Variants in SHPRH observed in about 807,000 individuals in gnomAD.
SHPRH encodes the protein E3 ubiquitin-protein ligase SHPRH.
In SHPRH, 106 loss-of-function variants were observed where a neutral mutation model predicts 202.5. The ratio of observed to expected loss-of-function variants is 0.52; its 90% CI spans 0.45 to 0.62. The LOEUF (loss-of-function observed/expected upper bound fraction) is 0.62. Ranked by LOEUF, SHPRH falls within the 20% of genes least tolerant of loss-of-function variation. SHPRH has a pLI of 0.00. For synonymous variants in SHPRH, 729 were observed against 686.0 expected (o/e 1.06, Z -0.98); for missense variants, 1,710 against 2,020.0 (o/e 0.85, Z 2.94).
At chr6:145,916,102 C>G (rs1474619058) in intron 23 of SHPRH, among the ~76,000 whole-genome samples, 1 of 151,950 alleles carries the variant, frequency 6.6e-6, no homozygotes, top group Non-Finnish European at 1.5e-5. Context: ...TTCATGAATC[C>G]CATCTTTTTC....
At position 145,910,820 on chromosome 6, in the gene SHPRH, TTC is replaced by T. The variant is rs1783425955; in HGVS notation, c.4327-186_4327-185del. ...CAAAGTAAGTTTTCATAATCTTTAG[TTC>T]TGTTTATCCTAAAAGTGAGTATGAT... On this transcript the variant is annotated intron_variant, in intron 24 of 29. Coordinates refer to ENST00000275233, the MANE Select transcript of SHPRH (RefSeq NM_001042683.3). Among the ~76,000 whole-genome samples the T allele has an allele frequency of 2.0e-5, 3 of 152,310 alleles. No homozygotes were observed. In the South Asian group the frequency reaches 6.2e-4, roughly 32 times the overall value.
downstream of SHPRH, among the ~76,000 whole-genome samples, chr6:145,860,669 C>A (rs941437890): frequency 1.1e-4 from 16 of 151,926 alleles, no homozygotes; most frequent in African/African-American, 3.9e-4. Context: ...CTTGAAACTA[C>A]AAAAGACTCC....
intron 13 of SHPRH, among the ~76,000 whole-genome samples, chr6:145,934,344 T>C (rs1323263984): frequency 6.6e-6 from 1 of 151,688 alleles, no homozygotes; most frequent in Non-Finnish European, 1.5e-5. Flanking sequence ...CACATGTCTG[T>C]AATCCCAGGT....
At position 145,933,891 on chromosome 6, in the gene SHPRH, G is replaced by C. The variant is rs141578922; in HGVS notation, c.2991-713C>G. 9.2e-5 allele frequency among the ~76,000 whole-genome samples: 14 copies of C among 152,242 alleles called. No individual in the cohort carries two copies. The East Asian group carries it at 2.7e-3, about 29-fold the overall frequency. On this transcript the variant is annotated intron_variant, in intron 13 of 29. Transcript: ENST00000275233. The stretch of plus-strand genomic sequence containing the variant: ...TTAATGTTCTCAGAATGAATAATCA[G>C]AGAGATAGAAAATATTTAACGGTAA...
chr6:145,921,257 T>A lies in SHPRH; in HGVS notation c.3918A>T (p.Ser1306=), dbSNP rs1053618990. 8 of 1,612,804 alleles carry A rather than the reference T, an allele frequency of 5.0e-6. No individual in the cohort carries two copies. The African/African-American group carries it at 9.4e-5, about 19-fold the overall frequency. The change falls in exon 21 of 30, where the codon TCA becomes TCT. Residue 1306 remains serine (S), a synonymous_variant. Transcript: ENST00000275233. ...ETERSMKAIL[S]FAKSHRFDVE... The stretch of plus-strand genomic sequence containing the variant: ...CATCAAACCTATGTGATTTTGCAAA[T>A]GATAGTATTGCTTTCATAGATCGCT...
intron 2 of SHPRH, among the ~76,000 whole-genome samples, chr6:145,877,472 C>A (rs920234685): frequency 6.6e-6 from 1 of 152,126 alleles, no homozygotes; most frequent in African/African-American, 2.4e-5. Flanking sequence ...TTGTGACTTG[C>A]TTTTCAATCT....
chr6:145,927,026 T>C (rs932656576), intron 15 of SHPRH, among the ~76,000 whole-genome samples, 163 bp downstream of exon 15: 2 of 151,988 alleles, frequency 1.3e-5, no homozygotes, highest in Non-Finnish European at 2.9e-5. Context: ...CAAATGTTAG[T>C]GTACATACAA....
Position 145,922,745 on chromosome 6 carries a change from T to A in SHPRH, c.3637A>T (p.Asn1213Tyr). The A allele has an allele frequency of 6.2e-7, 1 of 1,612,184 alleles. No individual in the cohort carries two copies. The highest frequency in any genetic ancestry group is 1.1e-5 in the South Asian group (1 of 91,014). ...TTACGAGATGGAGGTCCCTCCAGGT[T>A]TTTTACAGCCTCTCTTACTAGCTTC... Reference protein sequence around the residue: ...CQKLVREAVKNLEGPPSRNVI... With the variant: ...CQKLVREAVKYLEGPPSRNVI... The change falls in exon 19 of 30, where the codon AAC becomes TAC. Residue 1213 changes from asparagine to tyrosine, a missense_variant. Asn to Tyr is a moderately radical substitution (Grantham distance 143). Transcript: ENST00000275233.
chr6:145,892,562 T>G, intron 28 of SHPRH, among the ~76,000 whole-genome samples: 2 of 151,932 alleles, frequency 1.3e-5, no homozygotes. Context: ...ATGGATGTGT[T>G]TTTTTTTCCT....
At chr6:145,962,914 T>C (rs1789244994) in intron 1 of SHPRH, among the ~76,000 whole-genome samples, 1 of 152,214 alleles carries the variant, frequency 6.6e-6, no homozygotes, top group South Asian at 2.1e-4. Flanking sequence ...ACATAAACTT[T>C]AAAAATGCCC....
At chr6:145,892,445 C>T (rs1230898020) in intron 28 of SHPRH, among the ~76,000 whole-genome samples, 1 of 152,084 alleles carries the variant, frequency 6.6e-6, no homozygotes, top group Non-Finnish European at 1.5e-5. Context: ...ACAGTGACCT[C>T]CTTGGGGAAA....
rs917054532 is a variant in SHPRH at position 145,894,975 on chromosome 6, G to A, written c.4518C>T (p.Gly1506=). 2 of 1,612,532 alleles carry A rather than the reference G, an allele frequency of 1.2e-6. No homozygotes were observed. The highest frequency in any genetic ancestry group is 1.7e-6 in the Non-Finnish European group (2 of 1,179,040). The part of the protein sequence containing the change: ...ANQEEDIPVK[G]SHSTKVEAVV... Reference sequence around the variant, plus strand: ...CAGCTTCCACTTTTGTAGAATGGCTGCCCTTTGAACACACACACAAAATAC... The same window carrying A: ...CAGCTTCCACTTTTGTAGAATGGCTACCCTTTGAACACACACACAAAATAC... Residue 1506 remains glycine, a splice_region_variant and synonymous_variant, in exon 26 of 30, where the codon GGC becomes GGT. Transcript: ENST00000275233.
chr6:145,866,385 T>C (rs1287642986), intron 2 of SHPRH, among the ~76,000 whole-genome samples: 3 of 152,222 alleles, frequency 2.0e-5, no homozygotes, highest in Non-Finnish European at 4.4e-5. Flanking sequence ...ATAACTCTCT[T>C]ATCCTCCTTT....
intron 1 of SHPRH, among the ~76,000 whole-genome samples, chr6:145,961,267 G>C (rs1789062579): frequency 6.6e-6 from 1 of 152,142 alleles, no homozygotes; most frequent in Non-Finnish European, 1.5e-5. Context: ...AAAAAATCCT[G>C]ATGTCGAGCC....
At chr6:145,911,477 T>C (rs1429327699) in intron 24 of SHPRH, among the ~76,000 whole-genome samples, 1 of 152,124 alleles carries the variant, frequency 6.6e-6, no homozygotes, top group Non-Finnish European at 1.5e-5. Flanking sequence ...AAAATAATCC[T>C]CTCTGAATCT....
chr6:145,887,424 T>G (rs1001446572), intron 29 of SHPRH, among the ~76,000 whole-genome samples: 5 of 152,240 alleles, frequency 3.3e-5, no homozygotes, highest in African/African-American at 1.2e-4. Flanking sequence ...ACCATAAATA[T>G]TAGAAAGTTC....
At chr6:145,960,969 C>T (rs188870223) in intron 1 of SHPRH, among the ~76,000 whole-genome samples, 43 of 151,976 alleles carry the variant, frequency 2.8e-4, no homozygotes, top group Non-Finnish European at 4.0e-4. Context: ...CTAGATCCTG[C>T]GCATATGCAG....
chr6:145,936,978 C>CTTTTTTTT (rs1206387630), intron 11 of SHPRH, among the ~76,000 whole-genome samples: 1 of 125,662 alleles, frequency 8.0e-6, no homozygotes, highest in Non-Finnish European at 1.7e-5. Flanking sequence ...CATGCTTCAT[C>CTTTTTTTT]TTTTTTTTTT....
intron 1 of SHPRH, among the ~76,000 whole-genome samples, chr6:145,955,698 C>T (rs1323481917): frequency 6.6e-6 from 1 of 151,970 alleles, no homozygotes; most frequent in African/African-American, 2.4e-5. Context: ...CCCCTCAGAA[C>T]AAAGCCCAAC....
Sources: allele counts gnomAD v4.1 joint callset (sites outside exome capture counted in the v4.1 genomes callset), GRCh38; gene constraint gnomAD v4.1.1; transcripts MANE v1.5; gene names NCBI Gene and HGNC (gene_info 2026-07-23, HGNC 2026-07-21).